The following CTNNA1 variants were observed in gnomAD, a reference collection of about 807,000 sequenced individuals.
CTNNA1 encodes catenin alpha-1.
Under a neutral mutation model 98.4 loss-of-function variants are expected in CTNNA1, and 37 were observed. The ratio of observed to expected loss-of-function variants is 0.38; its 90% CI spans 0.29 to 0.49. The LOEUF is 0.49. Ranked by LOEUF, CTNNA1 falls within the 20% of genes least tolerant of loss-of-function variation. The probability of loss-of-function intolerance (pLI) is 0.95; values close to 1 mark genes in which losing one functional copy is unlikely to be tolerated. For synonymous variants in CTNNA1, 404 were observed against 413.2 expected (o/e 0.98, Z 0.27); for missense variants, 761 against 1,147.2 (o/e 0.66, Z 4.86).
intron 9 of CTNNA1, among the ~76,000 whole-genome samples, chr5:138,887,916 G>C (rs1754443192): frequency 6.6e-6 from 1 of 152,074 alleles, no homozygotes; most frequent in Non-Finnish European, 1.5e-5. Context: ...GACATGACTA[G>C]ACTCAAAAGA....
At chr5:138,768,244 A>G (rs564522951) in intron 1 of CTNNA1, among the ~76,000 whole-genome samples, 5 of 152,230 alleles carry the variant, frequency 3.3e-5, no homozygotes, top group African/African-American at 1.2e-4. Context: ...GGATTTGTCA[A>G]ATAGGTGTGA....
chr5:138,812,339 A>T (rs200189756), intron 5 of CTNNA1, 37 bp downstream of exon 5: 2 of 1,594,096 alleles, frequency 1.3e-6, no homozygotes, highest in Non-Finnish European at 1.7e-6. Context: ...AAAGTTGTTC[A>T]TTTTACTATC....
chr5:138,820,099 G>C (rs1229393321), intron 5 of CTNNA1, among the ~76,000 whole-genome samples: 4 of 142,238 alleles, frequency 2.8e-5, no homozygotes, highest in African/African-American at 1.1e-4. Flanking sequence ...AATTAAACCT[G>C]TAAAGGTAGT....
chr5:138,774,139 T>G (rs866607978), intron 1 of CTNNA1, among the ~76,000 whole-genome samples: 1 of 152,174 alleles, frequency 6.6e-6, no homozygotes, highest in Admixed American at 6.5e-5. Context: ...CACCTCAGCC[T>G]ACCAAAGTGC....
At chr5:138,892,510 G>A (rs1755679391) in intron 9 of CTNNA1, among the ~76,000 whole-genome samples, 1 of 151,112 alleles carries the variant, frequency 6.6e-6, no homozygotes, top group Non-Finnish European at 1.5e-5. Context: ...GGCCATTTTT[G>A]TATTTTTAGA....
chr5:138,798,045 T>A (rs768837352), intron 3 of CTNNA1, among the ~76,000 whole-genome samples: 2 of 152,160 alleles, frequency 1.3e-5, no homozygotes, highest in Non-Finnish European at 2.9e-5. Flanking sequence ...CATTTAAAAT[T>A]AAAAGCTAAC....
intron 7 of CTNNA1, chr5:138,828,359 T>C (rs1760932144): frequency 6.9e-6 from 1 of 145,370 alleles, no homozygotes; most frequent in South Asian, 2.2e-4. Flanking sequence ...GGCTATGAAA[T>C]TTGATACCCA....
intron 1 of CTNNA1, chr5:138,754,285 C>G (rs1751374878): frequency 6.7e-6 from 1 of 148,934 alleles, no homozygotes; most frequent in Non-Finnish European, 1.5e-5. Context: ...TGTGTGCGTG[C>G]GAGTGTGAAG....
chr5:138,927,012 A>C (rs1764211231), intron 13 of CTNNA1, among the ~76,000 whole-genome samples: 1 of 151,942 alleles, frequency 6.6e-6, no homozygotes. Context: ...CCCATACCTC[A>C]CATCTGCTTT....
chr5:138,781,897 T>A (rs1191665196), intron 1 of CTNNA1, 26 bp from the exon 2 acceptor site: 2 of 1,565,010 alleles, frequency 1.3e-6, no homozygotes, highest in African/African-American at 2.8e-5. Flanking sequence ...GATGTTTGCC[T>A]GACTGACTTT....
intron 1 of CTNNA1, among the ~76,000 whole-genome samples, chr5:138,757,033 TAA>T (rs879499200): frequency 2.1e-5 from 3 of 142,528 alleles, no homozygotes; most frequent in African/African-American, 5.2e-5. Context: ...ACCCCGCCTC[TAA>T]AAAAAAAAAA....
chr5:138,827,500 A>C lies in CTNNA1; in HGVS notation c.859-15A>C. 1 of 1,613,314 alleles carries C rather than the reference A, an allele frequency of 6.2e-7. No homozygotes were observed. Among genetic ancestry groups the C allele is most frequent in the Non-Finnish European group, 8.5e-7 (1 of 1,179,248 alleles). On this transcript the variant is annotated splice_polypyrimidine_tract_variant and intron_variant, in intron 6 of 17. Transcript: ENST00000302763. ...CAGAGATGAGTACTAACATTCGGTAATACTTTCTCTGCAGAAACAAATCAT... is the reference window on the plus strand; with the variant it reads ...CAGAGATGAGTACTAACATTCGGTACTACTTTCTCTGCAGAAACAAATCAT...
At chr5:138,763,567 C>T (rs754359439) in intron 1 of CTNNA1, among the ~76,000 whole-genome samples, 11 of 152,170 alleles carry the variant, frequency 7.2e-5, no homozygotes, top group Non-Finnish European at 1.5e-4. Flanking sequence ...GATCTTTGAA[C>T]TCCTGAACTC....
chr5:138,777,299 T>G, intron 1 of CTNNA1, among the ~76,000 whole-genome samples: 1 of 147,700 alleles, frequency 6.8e-6, no homozygotes, highest in Non-Finnish European at 1.5e-5. Context: ...CTAGATGGGA[T>G]GGCGGCCGGG....
At chr5:138,876,431 C>T (rs1751535326) in intron 7 of CTNNA1, among the ~76,000 whole-genome samples, 1 of 152,184 alleles carries the variant, frequency 6.6e-6, no homozygotes, top group African/African-American at 2.4e-5. Flanking sequence ...TGAATGGTGT[C>T]TTCACTTTTC....
At chr5:138,852,368 G>A (rs552511168) in intron 7 of CTNNA1, among the ~76,000 whole-genome samples, 1 of 148,794 alleles carries the variant, frequency 6.7e-6, no homozygotes, top group Admixed American at 6.8e-5. Flanking sequence ...CCTCTTTCTC[G>A]GGCAGTGTTC....
At chr5:138,822,323 C>T (rs1296299038) in intron 5 of CTNNA1, among the ~76,000 whole-genome samples, 1 of 152,126 alleles carries the variant, frequency 6.6e-6, no homozygotes, top group Non-Finnish European at 1.5e-5. Flanking sequence ...TAATACCATA[C>T]CAGGCAGTGG....
intron 14 of CTNNA1, among the ~76,000 whole-genome samples, chr5:138,930,261 C>T (rs1765019862): frequency 6.6e-6 from 1 of 152,186 alleles, no homozygotes; most frequent in Non-Finnish European, 1.5e-5. Flanking sequence ...TTTCCTTCCA[C>T]ACTAAAACTT....
intron 1 of CTNNA1, 74 bp downstream of exon 1, chr5:138,753,584 C>G (rs1165098578): frequency 5.6e-6 from 2 of 359,978 alleles, no homozygotes; most frequent in Non-Finnish European, 5.0e-6. Context: ...CCGGGCCGTC[C>G]CAAGCTGGGC....
Sources: allele counts gnomAD v4.1 joint callset (sites outside exome capture counted in the v4.1 genomes callset), GRCh38; gene constraint gnomAD v4.1.1; transcripts MANE v1.5; gene names NCBI Gene and HGNC (gene_info 2026-07-23, HGNC 2026-07-21).